The following SRR variants were observed in gnomAD, a reference collection of about 807,000 sequenced individuals.
The protein encoded by SRR is serine racemase.
A neutral mutation model predicts 32.7 loss-of-function variants in SRR; 19 were observed. The observed-to-expected ratio is 0.58, with a 90% confidence interval of 0.40 to 0.85. SRR has a LOEUF of 0.85. SRR is among the 40% of genes least tolerant of loss of function. SRR has a pLI of 0.00. For missense variants in SRR, 373 were observed against 404.7 expected (o/e 0.92, Z 0.67); for synonymous variants, 142 against 140.9 (o/e 1.01, Z -0.06).
At chr17:2,322,768 G>A (rs1025544919) in intron 6 of SRR, 5 of 229,676 alleles carry the variant, frequency 2.2e-5, no homozygotes, top group Non-Finnish European at 3.5e-5. Context: ...CGCCCACCTC[G>A]GCCTCCCAAA....
Position 2,306,555 on chromosome 17 carries a change from A to G in SRR, c.-5+2538A>G, listed in dbSNP as rs190533562. On this transcript the variant is annotated intron_variant, in intron 1 of 7. Coordinates refer to ENST00000344595, the MANE Select transcript of SRR (RefSeq NM_021947.3). ...AACATGGCGAAACCCCGTCTCTACT[A>G]AAAATACAAAAACTAGCCGGGCGTG... is the stretch of plus-strand genomic sequence containing the variant. Among the ~76,000 whole-genome samples the G allele has an allele frequency of 4.9e-3, 743 of 152,116 alleles. 6 individuals are homozygous for G. Among genetic ancestry groups the G allele is most frequent in the Non-Finnish European group, 7.1e-3 (485 of 68,016 alleles).
In SRR at chr17:2,315,058, A is replaced by G. The variant is rs540974085; in HGVS notation, c.-4-499A>G. Among the ~76,000 whole-genome samples the G allele has an allele frequency of 4.6e-5, 7 of 151,814 alleles. No homozygotes were observed. In the South Asian group the frequency reaches 1.5e-3, roughly 32 times the overall value. ...GAAGTTCAAGACCAGCCTGGACAAC[A>G]TGGTGAAACCCCGTGTCTACTAAAA... On this transcript the variant is annotated intron_variant, in intron 1 of 7. Coordinates refer to ENST00000344595, the MANE Select transcript of SRR (RefSeq NM_021947.3).
At chr17:2,308,242 A>AT (rs991357469) in intron 1 of SRR, among the ~76,000 whole-genome samples, 9 of 152,188 alleles carry the variant, frequency 5.9e-5, no homozygotes, top group African/African-American at 2.2e-4. Context: ...TAAAGTGAAA[A>AT]TTAGTAAGCT....
At position 2,321,327 on chromosome 17, in the gene SRR, A is replaced by G; in HGVS notation, c.421A>G (p.Arg141Gly). Reference sequence around the variant, plus strand: ...TCAGTCCAGAGAAAATGTTGCAAAAAGAGTTACAGAAGAAACAGAAGGCAT... The same window carrying G: ...TCAGTCCAGAGAAAATGTTGCAAAAGGAGTTACAGAAGAAACAGAAGGCAT... Reference protein sequence around the residue: ...SDESRENVAKRVTEETEGIMV... With the variant: ...SDESRENVAKGVTEETEGIMV... The change falls in exon 5 of 8, where the codon AGA becomes GGA. Residue 141 changes from arginine to glycine, a missense_variant. By Grantham distance (125) the Arg-to-Gly change is moderately radical. Coordinates refer to ENST00000344595, the MANE Select transcript of SRR (RefSeq NM_021947.3). The G allele has an allele frequency of 1.2e-6, 2 of 1,613,878 alleles. No individual in the cohort carries two copies.
In SRR at chr17:2,324,781, T is replaced by C; in HGVS notation, c.*908T>C. 6.2e-7 allele frequency: 1 copy of C among 1,614,198 alleles called. No homozygotes were observed. The highest frequency in any genetic ancestry group is 1.1e-5 in the South Asian group (1 of 91,076). ...AACAACTCTCTTGATGACCATTCTG[T>C]CTGGATCTACTGACATAAGATGGCC... On this transcript the variant is annotated 3_prime_UTR_variant, in exon 8 of 8. Coordinates refer to ENST00000344595, the MANE Select transcript of SRR (RefSeq NM_021947.3).
At position 2,324,061 on chromosome 17, in the gene SRR, T is replaced by TA; in HGVS notation, c.*196dup. On this transcript the variant is annotated 3_prime_UTR_variant, in exon 8 of 8. Transcript: ENST00000344595. ...CTTAACTGAGACATTTTGTCAAGGC[T>TA]AAAAAAAAGTCTTGCAAAATGGGGC... The TA allele has an allele frequency of 5.2e-5, 68 of 1,303,964 alleles. No individual in the cohort carries two copies. The highest frequency in any genetic ancestry group is 5.9e-5 in the Non-Finnish European group (56 of 953,708). The allele number at this position is 1,303,964 out of a possible 1,614,324, so 80.8% of individuals were successfully genotyped here.
upstream of SRR, chr17:2,303,770 G>C: frequency 1.4e-6 from 2 of 1,451,642 alleles, no homozygotes; most frequent in Non-Finnish European, 1.8e-6. Context: ...GCCGCGCGCA[G>C]CCAGGAAACC....
At chr17:2,314,199 C>T (rs1453585682) in intron 1 of SRR, among the ~76,000 whole-genome samples, 2 of 152,184 alleles carry the variant, frequency 1.3e-5, no homozygotes, top group African/African-American at 4.8e-5. Context: ...CCTATAATCC[C>T]AGCACTTTGG....
upstream of SRR, chr17:2,303,475 G>C: frequency 7.6e-7 from 1 of 1,322,770 alleles, no homozygotes; most frequent in Non-Finnish European, 9.6e-7. Flanking sequence ...ACCCGCGAGA[G>C]AGGTAGGGCA....
chr17:2,321,199 A>G, intron 4 of SRR, 107 bp from the exon 5 acceptor site: 9 of 1,348,678 alleles, frequency 6.7e-6, no homozygotes, highest in Non-Finnish European at 7.3e-6. Flanking sequence ...GTACCTGAAC[A>G]AAGTGTGAAA....
chr17:2,324,649 A>G lies in SRR; in HGVS notation c.*776A>G, dbSNP rs191918861. 2.5e-6 allele frequency: 4 copies of G among 1,614,002 alleles called. No homozygotes were observed. Among genetic ancestry groups the G allele is most frequent in the Admixed American group, 1.7e-5 (1 of 60,008 alleles). ...AAAATGTAAACCCAACCTTTATACC[A>G]CAAAGGCAATCAGATCCCATCCTCC... On this transcript the variant is annotated 3_prime_UTR_variant, in exon 8 of 8. Coordinates refer to ENST00000344595, the MANE Select transcript of SRR (RefSeq NM_021947.3).
intron 2 of SRR, among the ~76,000 whole-genome samples, chr17:2,316,494 C>T (rs2075473691): frequency 6.6e-6 from 1 of 152,190 alleles, no homozygotes; most frequent in African/African-American, 2.4e-5. Context: ...CAAGTTTAAG[C>T]ATTCACTGTA....
chr17:2,316,038 G>A (rs559132301), intron 2 of SRR, among the ~76,000 whole-genome samples: 4 of 152,062 alleles, frequency 2.6e-5, no homozygotes, highest in South Asian at 2.1e-4. Context: ...GCCACATAAC[G>A]TTTCAGTCAA....
intron 1 of SRR, among the ~76,000 whole-genome samples, chr17:2,308,945 C>T (rs1323393173): frequency 6.6e-6 from 1 of 151,618 alleles, no homozygotes; most frequent in Non-Finnish European, 1.5e-5. Flanking sequence ...ATGGTGAAAC[C>T]CTGTCCCTAC....
At chr17:2,321,736 G>C in intron 6 of SRR, 120 bp downstream of exon 6, 1 of 888,388 alleles carries the variant, frequency 1.1e-6, no homozygotes, top group Non-Finnish European at 1.8e-6. Context: ...TTATTCCTTT[G>C]GGACTTGAGA....
At chr17:2,320,261 T>TC (rs2075515285) in intron 4 of SRR, among the ~76,000 whole-genome samples, 1 of 142,676 alleles carries the variant, frequency 7.0e-6, no homozygotes, top group South Asian at 2.2e-4. Context: ...CTTTTTTTTT[T>TC]TTTTTTTTTT....
At chr17:2,315,433 A>C in intron 1 of SRR, 124 bp from the exon 2 acceptor site, 1 of 930,796 alleles carries the variant, frequency 1.1e-6, no homozygotes, top group Non-Finnish European at 1.5e-6. Flanking sequence ...ACACTCCAAT[A>C]ATGGAGAATT....
At chr17:2,303,945 T>G, upstream of SRR, 1 of 390,676 alleles carries the variant, frequency 2.6e-6, no homozygotes, top group Non-Finnish European at 4.5e-6. Flanking sequence ...GGGCGGGCGC[T>G]GCGCGTGCGC....
intron 1 of SRR, among the ~76,000 whole-genome samples, chr17:2,309,503 C>T (rs536631398): frequency 3.3e-5 from 5 of 152,298 alleles, no homozygotes; most frequent in Non-Finnish European, 5.9e-5. Flanking sequence ...CAGTCATACT[C>T]GTTTATTCAC....
Sources: allele counts gnomAD v4.1 joint callset (sites outside exome capture counted in the v4.1 genomes callset), GRCh38; gene constraint gnomAD v4.1.1; transcripts MANE v1.5; gene names NCBI Gene and HGNC (gene_info 2026-07-23, HGNC 2026-07-21).